RSPH14: variants seen among roughly 807,000 people sequenced by gnomAD.
The protein encoded by RSPH14 is rhabdoid tumor deletion region gene 1.
A neutral mutation model predicts 26.7 loss-of-function variants in RSPH14; 20 were observed. That is an observed-to-expected ratio of 0.75 (90% CI 0.53 to 1.09). The LOEUF is 1.09. RSPH14 is among the 50% of genes least tolerant of loss of function. The probability of loss-of-function intolerance (pLI) is 0.00; values close to 1 mark genes in which losing one functional copy is unlikely to be tolerated. For missense variants in RSPH14, 449 were observed against 457.2 expected, an observed-to-expected ratio of 0.98 and a Z score of 0.16; for synonymous variants, 177 against 189.3, an observed-to-expected ratio of 0.93 and a Z score of 0.53.
chr22:23,131,480 A>G, intron 4 of RSPH14: 2 of 538,774 alleles, frequency 3.7e-6, no homozygotes, highest in Non-Finnish European at 5.8e-6. Flanking sequence ...TCAAGCAAGT[A>G]TAAAATATGG....
At chr22:23,164,316 A>G in the RSPH14 span, 2 of 152,180 alleles carry the variant, frequency 1.3e-5, no homozygotes, top group Non-Finnish European at 2.9e-5. Flanking sequence ...ACCTCTGTAA[A>G]TGGTCCTTGA....
chr22:23,074,401 G>C (rs2068457996), intron 4 of RSPH14, among the ~76,000 whole-genome samples: 1 of 152,178 alleles, frequency 6.6e-6, no homozygotes, highest in South Asian at 2.1e-4. Context: ...GTTTTGGTCT[G>C]AACCAGTAGA....
chr22:23,107,254 C>T (rs1345480009), intron 4 of RSPH14, among the ~76,000 whole-genome samples: 1 of 152,176 alleles, frequency 6.6e-6, no homozygotes, highest in Non-Finnish European at 1.5e-5. Flanking sequence ...GGAACACACC[C>T]CTGCCCTGGC....
intron 4 of RSPH14, among the ~76,000 whole-genome samples, chr22:23,130,533 A>AAAGAAAGAAAGAAAGAAAGAAAGAAAGG: frequency 1.2e-5 from 1 of 85,378 alleles, no homozygotes; most frequent in Non-Finnish European, 2.6e-5. Context: ...AGAAAGAAAG[A>AAAGAAAGAAAGAAAGAAAGAAAGAAAGG]GAAAGAAGGA....
At chr22:23,172,948 TA>T in the RSPH14 span, among the ~76,000 whole-genome samples, 735 of 139,614 alleles carry the variant, frequency 5.3e-3, no homozygotes, top group East Asian at 0.014. Flanking sequence ...AGACTGCATC[TA>T]AAAAAAAAAA....
intron 4 of RSPH14, among the ~76,000 whole-genome samples, chr22:23,125,532 G>A (rs1456146389): frequency 6.6e-6 from 1 of 152,198 alleles, no homozygotes; most frequent in Non-Finnish European, 1.5e-5. Flanking sequence ...TGTGGTTAGA[G>A]GTATCTGGAT....
the RSPH14 span, among the ~76,000 whole-genome samples, chr22:23,150,447 G>A: frequency 6.6e-6 from 1 of 151,890 alleles, no homozygotes; most frequent in East Asian, 1.9e-4. Flanking sequence ...GACTACAGGC[G>A]CCCGCCACCA....
intron 4 of RSPH14, among the ~76,000 whole-genome samples, chr22:23,125,697 G>T (rs2070166333): frequency 6.6e-6 from 1 of 152,236 alleles, no homozygotes; most frequent in Non-Finnish European, 1.5e-5. Context: ...GAGGAAAGGT[G>T]CCTGAGGTCA....
At chr22:23,081,897 G>A (rs191518659) in intron 4 of RSPH14, among the ~76,000 whole-genome samples, 1 of 151,276 alleles carries the variant, frequency 6.6e-6, no homozygotes, top group Non-Finnish European at 1.5e-5. Flanking sequence ...GGGCCGAGGC[G>A]GGCGGATCAC....
intron 4 of RSPH14, among the ~76,000 whole-genome samples, chr22:23,127,936 G>A (rs746080397): frequency 2.6e-5 from 4 of 152,152 alleles, no homozygotes; most frequent in Non-Finnish European, 5.9e-5. Flanking sequence ...CTCTCGGGCT[G>A]GTGCTCTCCT....
the RSPH14 span, among the ~76,000 whole-genome samples, chr22:23,177,344 C>T: frequency 1.3e-5 from 2 of 152,186 alleles, no homozygotes; most frequent in Non-Finnish European, 2.9e-5. Flanking sequence ...CATACACAGG[C>T]ATCGCTCTCG....
chr22:23,179,831 C>T, the RSPH14 span: 6 of 212,412 alleles, frequency 2.8e-5, no homozygotes, highest in Non-Finnish European at 4.7e-5. Context: ...CCTGGCCTCT[C>T]TGTGAGTTGG....
chr22:23,083,282 C>A (rs2068729589), intron 4 of RSPH14, among the ~76,000 whole-genome samples: 1 of 151,916 alleles, frequency 6.6e-6, no homozygotes, highest in African/African-American at 2.4e-5. Context: ...CAGAGGGGTC[C>A]CAGGGGAATC....
chr22:23,158,962 A>T, the RSPH14 span: 1 of 1,614,112 alleles, frequency 6.2e-7, no homozygotes, highest in East Asian at 2.2e-5. Flanking sequence ...CCTCGTGGGA[A>T]CCAAGAAGGA....
chr22:23,125,264 G>A (rs141105637), intron 4 of RSPH14, among the ~76,000 whole-genome samples: 153 of 152,320 alleles, frequency 1.0e-3, no homozygotes, highest in African/African-American at 3.6e-3. Context: ...CAGTCCTGGT[G>A]TGGAGGTCTG....
chr22:23,180,646 G>T, the RSPH14 span: 2 of 161,376 alleles, frequency 1.2e-5, no homozygotes, highest in African/African-American at 2.4e-5. Flanking sequence ...GGAGCGCGCG[G>T]GCCGTGGCCA....
chr22:23,146,834 C>G (rs2070805358), upstream of RSPH14: 3 of 1,409,566 alleles, frequency 2.1e-6, no homozygotes, highest in African/African-American at 2.9e-5. Flanking sequence ...AGACTGGTCA[C>G]TGACTGCCCA....
At chr22:23,146,528 T>G (rs978826116), upstream of RSPH14, 17 of 1,552,936 alleles carry the variant, frequency 1.1e-5, no homozygotes, top group African/African-American at 1.8e-4. Context: ...TGATGAAAAG[T>G]TAGGTGGAAA....
intron 4 of RSPH14, among the ~76,000 whole-genome samples, chr22:23,118,739 T>G (rs949738357): frequency 1.3e-5 from 2 of 152,178 alleles, no homozygotes; most frequent in Non-Finnish European, 2.9e-5. Flanking sequence ...AAGGGGGTGA[T>G]GCACTACCAT....
Sources: allele counts gnomAD v4.1 joint callset (sites outside exome capture counted in the v4.1 genomes callset), GRCh38; gene constraint gnomAD v4.1.1; transcripts MANE v1.5; gene names NCBI Gene and HGNC (gene_info 2026-07-23, HGNC 2026-07-21).